Variants in TRIO observed in about 807,000 individuals in gnomAD.
TRIO encodes the protein trio Rho guanine nucleotide exchange factor.
In TRIO, 58 loss-of-function variants were observed where a neutral mutation model predicts 351.9. The ratio of observed to expected loss-of-function variants is 0.16; its 90% CI spans 0.13 to 0.21. The LOEUF is 0.21. Among genes scored for constraint, TRIO ranks in the 10% least tolerant of loss-of-function variants. The pLI, the probability that TRIO is intolerant of heterozygous loss-of-function variation, is 1.00. For missense variants in TRIO, 3,201 were observed against 4,027.8 expected, an observed-to-expected ratio of 0.79 and a Z score of 5.56; for synonymous variants, 1,758 against 1,595.7, an observed-to-expected ratio of 1.10 and a Z score of -2.42.
chr5:14,180,162 G>T (rs1439129459), intron 1 of TRIO, among the ~76,000 whole-genome samples: 1 of 146,506 alleles, frequency 6.8e-6, no homozygotes, highest in Non-Finnish European at 1.5e-5. Context: ...TAAAGCCTAT[G>T]CGTTATATTC....
intron 21 of TRIO, among the ~76,000 whole-genome samples, chr5:14,381,533 C>T (rs937041664): frequency 6.6e-6 from 1 of 152,170 alleles, no homozygotes; most frequent in Non-Finnish European, 1.5e-5. Flanking sequence ...CTTTCCCCTT[C>T]CTGTTTACTT....
chr5:14,415,461 G>A (rs943079096), intron 33 of TRIO, among the ~76,000 whole-genome samples: 2 of 152,166 alleles, frequency 1.3e-5, no homozygotes, highest in African/African-American at 2.4e-5. Flanking sequence ...CAGGGCGGGG[G>A]TGTTCTGAGG....
chr5:14,499,955 G>C (rs1481604386), intron 53 of TRIO, among the ~76,000 whole-genome samples: 3 of 151,044 alleles, frequency 2.0e-5, no homozygotes, highest in African/African-American at 7.3e-5. Context: ...TGAGGCTGAG[G>C]CAGGAGAATC....
chr5:14,308,335 T>TCCACCCAC (rs1426542051), intron 8 of TRIO, among the ~76,000 whole-genome samples: 1 of 147,410 alleles, frequency 6.8e-6, no homozygotes, highest in Non-Finnish European at 1.5e-5. Context: ...CATCCATCCA[T>TCCACCCAC]CCACCCACCC....
At chr5:14,293,370 A>G (rs979864907) in intron 6 of TRIO, among the ~76,000 whole-genome samples, 19 of 152,344 alleles carry the variant, frequency 1.2e-4, no homozygotes, top group African/African-American at 2.9e-4. Flanking sequence ...ACTTGAACCA[A>G]TGACTTGGCT....
chr5:14,235,474 G>A (rs1410456237), intron 1 of TRIO, among the ~76,000 whole-genome samples: 1 of 152,168 alleles, frequency 6.6e-6, no homozygotes, highest in Non-Finnish European at 1.5e-5. Context: ...CTAAAGTGTA[G>A]ACAATAAATA....
At chr5:14,383,101 C>T (rs559986900) in intron 21 of TRIO, among the ~76,000 whole-genome samples, 136 of 152,214 alleles carry the variant, frequency 8.9e-4, no homozygotes, top group African/African-American at 3.3e-3. Context: ...GTGGGAGGAT[C>T]GCTTGAGGCC....
chr5:14,492,021 C>T (rs1184218261), intron 48 of TRIO, among the ~76,000 whole-genome samples: 1 of 152,116 alleles, frequency 6.6e-6, no homozygotes, highest in Non-Finnish European at 1.5e-5. Flanking sequence ...TTTGAAGAGA[C>T]GAAGTAGAAA....
chr5:14,481,207 A>G (rs1755486504), intron 43 of TRIO, 27 bp from the exon 44 acceptor site: 4 of 1,608,896 alleles, frequency 2.5e-6, no homozygotes, highest in Non-Finnish European at 3.4e-6. Context: ...TGTCACCATT[A>G]TCATGTCCTC....
chr5:14,481,603 G>A lies in TRIO; in HGVS notation c.6450G>A (p.Arg2150=). The part of the protein sequence containing the change: ...RRCNDMMNVG[R]LQGFDGKIVA... ...GCAACGACATGATGAACGTGGGGCGGCTGCAAGGATTCGACGTAATGCGGC... is the reference window on the plus strand; with the variant it reads ...GCAACGACATGATGAACGTGGGGCGACTGCAAGGATTCGACGTAATGCGGC... The change falls in exon 45 of 57, where the codon CGG becomes CGA. Residue 2150 remains arginine (R), a synonymous_variant. Coordinates refer to ENST00000344204, the MANE Select transcript of TRIO (RefSeq NM_007118.4). 2 of 1,614,048 alleles carry A rather than the reference G, an allele frequency of 1.2e-6. No homozygotes were observed. Among genetic ancestry groups the A allele is most frequent in the South Asian group, 2.2e-5 (2 of 91,054 alleles).
At chr5:14,443,328 CGT>C (rs1207626271) in intron 34 of TRIO, among the ~76,000 whole-genome samples, 8 of 151,958 alleles carry the variant, frequency 5.3e-5, no homozygotes, top group Admixed American at 5.2e-4. Context: ...CGTGCATATG[CGT>C]GTGTGTGTAG....
chr5:14,215,847 C>T (rs934088781), intron 1 of TRIO, among the ~76,000 whole-genome samples: 6 of 152,168 alleles, frequency 3.9e-5, no homozygotes, highest in African/African-American at 1.2e-4. Flanking sequence ...ACAATAGAAG[C>T]TAGTTTTGAG....
chr5:14,507,392 G>C, intron 56 of TRIO, 132 bp downstream of exon 56: 1 of 1,286,980 alleles, frequency 7.8e-7, no homozygotes, highest in Non-Finnish European at 1.0e-6. Flanking sequence ...GTGGGGCAGC[G>C]CAGACACTGA....
chr5:14,465,453 A>G (rs2126521993), intron 36 of TRIO, 92 bp from the exon 37 acceptor site: 1 of 1,248,098 alleles, frequency 8.0e-7, no homozygotes, highest in East Asian at 2.4e-5. Flanking sequence ...TTACTTTCAC[A>G]AGAGATGGAG....
At chr5:14,376,774 T>C (rs568403646) in intron 19 of TRIO, among the ~76,000 whole-genome samples, 58 of 152,316 alleles carry the variant, frequency 3.8e-4, no homozygotes, top group African/African-American at 1.3e-3. Context: ...AAATTCCCAG[T>C]TCAAAGGAAT....
chr5:14,456,510 A>G (rs1337834733), intron 34 of TRIO, among the ~76,000 whole-genome samples: 1 of 152,246 alleles, frequency 6.6e-6, no homozygotes, highest in Non-Finnish European at 1.5e-5. Flanking sequence ...GCCATCCACA[A>G]TCAAATCCTG....
chr5:14,504,725 A>C (rs545711434), intron 55 of TRIO, 132 bp downstream of exon 55: 2 of 1,138,470 alleles, frequency 1.8e-6, no homozygotes, highest in Admixed American at 5.0e-5. Flanking sequence ...AAACATCTTC[A>C]CTGTCAGAGC....
chr5:14,159,315 C>T (rs866234710), intron 1 of TRIO, among the ~76,000 whole-genome samples: 3 of 98,714 alleles, frequency 3.0e-5, no homozygotes, highest in Admixed American at 1.0e-4. Context: ...TTCAGGAAAT[C>T]GCAGTCAAAA....
intron 29 of TRIO, 121 bp from the exon 30 acceptor site, chr5:14,398,757 ACT>A (rs1747823150): frequency 4.5e-6 from 4 of 893,008 alleles, no homozygotes; most frequent in South Asian, 3.6e-5. Flanking sequence ...CAGATGGGAA[ACT>A]CTTATCTAGG....
Sources: gnomAD v4.1 joint callset for allele counts (sites outside exome capture counted in the v4.1 genomes callset) on GRCh38, gnomAD v4.1.1 for gene constraint, MANE v1.5 for transcripts, NCBI Gene and HGNC (gene_info 2026-07-23, HGNC 2026-07-21) for gene names.